The following SMC4 variants were observed in gnomAD, a reference collection of about 807,000 sequenced individuals.
The protein encoded by SMC4 is structural maintenance of chromosomes protein 4.
A neutral mutation model predicts 145.6 loss-of-function variants in SMC4; 87 were observed. The observed-to-expected ratio is 0.60, with a 90% confidence interval of 0.50 to 0.71. The LOEUF (loss-of-function observed/expected upper bound fraction) is 0.71, where lower values mean the gene tolerates loss of function less well. Ranked by LOEUF, SMC4 falls within the 30% of genes least tolerant of loss-of-function variation. SMC4 has a pLI of 0.00. For missense variants in SMC4, 1,447 were observed against 1,537.1 expected (o/e 0.94, Z 0.98); for synonymous variants, 558 against 500.7 (o/e 1.11, Z -1.53).
At chr3:160,416,201 A>T in intron 9 of SMC4, 50 bp from the exon 10 acceptor site, 1 of 1,329,776 alleles carries the variant, frequency 7.5e-7, no homozygotes, top group South Asian at 1.7e-5. Context: ...TATTGATAGT[A>T]TTGGGTAACA....
At chr3:160,430,527 T>A (rs1209529534) in intron 18 of SMC4, 72 bp from the exon 19 acceptor site, 43 of 1,282,684 alleles carry the variant, frequency 3.4e-5, no homozygotes, top group Non-Finnish European at 4.3e-5. Context: ...CATGAAAAGT[T>A]CTTTAGTAGG....
At chr3:160,416,695 A>C (rs1716630106) in intron 10 of SMC4, 1 of 182,052 alleles carries the variant, frequency 5.5e-6, no homozygotes, top group Admixed American at 6.1e-5. Flanking sequence ...AAGCGTGTTG[A>C]ATCATCATAT....
intron 5 of SMC4, among the ~76,000 whole-genome samples, chr3:160,405,049 T>C (rs1715169760): frequency 6.6e-6 from 1 of 152,090 alleles, no homozygotes; most frequent in Non-Finnish European, 1.5e-5. Flanking sequence ...AACTTAACCT[T>C]TACTCAAGTT....
intron 12 of SMC4, among the ~76,000 whole-genome samples, chr3:160,419,958 A>T: frequency 6.6e-6 from 1 of 152,152 alleles, no homozygotes; most frequent in East Asian, 1.9e-4. Context: ...AAATTAAAAA[A>T]AATTTTTTTA....
In SMC4 at chr3:160,402,000, T is replaced by G; in HGVS notation, c.225T>G (p.Asn75Lys). The change falls in exon 3 of 24, where the codon AAT (asparagine) becomes AAG (lysine). Residue 75 changes from asparagine (N) to lysine (K), a missense_variant. By Grantham distance (94) the Asn-to-Lys change is moderately conservative. Transcript: ENST00000357388. ...IPPPPPPAMT[N>K]EAGAPRLMIT... is the part of the protein sequence containing the mutation. ...CTCCCCCGCCTCCAGCAATGACCAA[T>G]GAAGCTGGAGCTCCTCGGCTTATGA... The G allele has an allele frequency of 1.9e-6, 3 of 1,603,830 alleles. No homozygotes were observed. The South Asian group carries it at 3.4e-5, about 18-fold the overall frequency.
intron 17 of SMC4, among the ~76,000 whole-genome samples, chr3:160,427,763 A>G (rs1315152756): frequency 6.6e-6 from 1 of 152,218 alleles, no homozygotes; most frequent in Non-Finnish European, 1.5e-5. Context: ...GTAAACCATT[A>G]TATCGAAATC....
intron 19 of SMC4, 72 bp from the exon 20 acceptor site, chr3:160,430,960 C>G (rs1447357945): frequency 1.4e-6 from 2 of 1,448,130 alleles, no homozygotes; most frequent in South Asian, 1.3e-5. Context: ...TTGGTAATTC[C>G]TTCATCTCTG....
At chr3:160,413,745 G>T in intron 8 of SMC4, 132 bp downstream of exon 8, 2 of 442,478 alleles carry the variant, frequency 4.5e-6, no homozygotes, top group South Asian at 3.8e-5. Flanking sequence ...CCCCCTTAGT[G>T]AAAAAAAAAA....
chr3:160,412,557 A>C, intron 7 of SMC4, 104 bp downstream of exon 7: 1 of 1,403,354 alleles, frequency 7.1e-7, no homozygotes, highest in Non-Finnish European at 9.3e-7. Context: ...AGTGAAAAAA[A>C]ATCTCTAAAT....
intron 6 of SMC4, 83 bp downstream of exon 6, chr3:160,412,167 T>C (rs1344411419): frequency 6.8e-7 from 1 of 1,477,072 alleles, no homozygotes; most frequent in East Asian, 2.3e-5. Flanking sequence ...ATATTCATGT[T>C]ATAATACTTA....
chr3:160,401,264 C>T (rs1049033056), intron 2 of SMC4, among the ~76,000 whole-genome samples: 4 of 151,904 alleles, frequency 2.6e-5, no homozygotes, highest in Non-Finnish European at 5.9e-5. Context: ...TATTGTATTC[C>T]CGCTAAAATC....
chr3:160,423,686 T>C (rs752633803), intron 14 of SMC4, 36 bp downstream of exon 14: 107 of 1,593,358 alleles, frequency 6.7e-5, no homozygotes, highest in Admixed American at 5.7e-4. Flanking sequence ...TGTTTTTTTT[T>C]CCCCCCACAG....
rs747559911 is a variant in SMC4 at position 160,423,550 on chromosome 3, C to G, written c.2145C>G (p.Thr715=). 4.3e-6 allele frequency: 7 copies of G among 1,613,656 alleles called. No individual in the cohort carries two copies. Among genetic ancestry groups the G allele is most frequent in the Non-Finnish European group, 5.9e-6 (7 of 1,179,824 alleles). ...CTTTTTATTTTGCTTTACGAGATAC[C>G]TTAGTAGCTGACAACTTGGATCAAG... ...RQAFYFALRD[T]LVADNLDQAT... Residue 715 remains threonine (T), a synonymous_variant, in exon 14 of 24, where the codon ACC becomes ACG. Coordinates refer to ENST00000357388, the MANE Select transcript of SMC4 (RefSeq NM_001002800.3).
chr3:160,433,379 A>G (rs1373849119), intron 23 of SMC4, 170 bp downstream of exon 23: 3 of 557,962 alleles, frequency 5.4e-6, no homozygotes, highest in East Asian at 3.0e-5. Flanking sequence ...TTTGAACCAA[A>G]TATTTCCATT....
At chr3:160,410,876 A>G (rs913043197) in intron 5 of SMC4, among the ~76,000 whole-genome samples, 1 of 152,190 alleles carries the variant, frequency 6.6e-6, no homozygotes, top group Non-Finnish European at 1.5e-5. Flanking sequence ...ACTATTTTTA[A>G]TGTGTAATTC....
intron 9 of SMC4, among the ~76,000 whole-genome samples, chr3:160,415,933 A>C (rs1716531458): frequency 6.6e-6 from 1 of 152,224 alleles, no homozygotes. Flanking sequence ...GTGTAGTCAG[A>C]GCATATTTAT....
chr3:160,413,372 A>G (rs1356875777), intron 7 of SMC4, 101 bp from the exon 8 acceptor site: 7 of 1,172,758 alleles, frequency 6.0e-6, no homozygotes, highest in Non-Finnish European at 8.3e-6. Context: ...TGACTAGTTA[A>G]TAATATTTTA....
At chr3:160,424,710 T>C (rs1717581017) in intron 15 of SMC4, among the ~76,000 whole-genome samples, 157 bp from the exon 16 acceptor site, 1 of 152,198 alleles carries the variant, frequency 6.6e-6, no homozygotes, top group Admixed American at 6.5e-5. Context: ...CTCAGGAGGC[T>C]GAGGCAGGAG....
intron 2 of SMC4, 44 bp downstream of exon 2, chr3:160,401,009 C>T: frequency 7.3e-7 from 1 of 1,364,396 alleles, no homozygotes; most frequent in South Asian, 1.8e-5. Flanking sequence ...CGCTGTGGGA[C>T]TGGCAGGCAA....
Sources: gnomAD v4.1 joint callset for allele counts (sites outside exome capture counted in the v4.1 genomes callset) on GRCh38, gnomAD v4.1.1 for gene constraint, MANE v1.5 for transcripts, NCBI Gene and HGNC (gene_info 2026-07-23, HGNC 2026-07-21) for gene names.